KCTD8: variants seen among roughly 807,000 people sequenced by gnomAD.
The protein encoded by KCTD8 is potassium channel tetramerization domain containing 8.
In KCTD8, 27 loss-of-function variants were observed where a neutral mutation model predicts 31.5. That is an observed-to-expected ratio of 0.86 (90% confidence interval 0.63 to 1.18). The LOEUF is 1.18. KCTD8 is among the 50% of genes most tolerant of loss of function. KCTD8 has a pLI of 0.00. For missense variants in KCTD8, 658 were observed against 647.7 expected, an observed-to-expected ratio of 1.02 and a Z score of -0.17; for synonymous variants, 290 against 280.0, an observed-to-expected ratio of 1.04 and a Z score of -0.36.
intron 1 of KCTD8, among the ~76,000 whole-genome samples, chr4:44,245,589 T>C (rs1715640797): frequency 6.6e-6 from 1 of 152,020 alleles, no homozygotes; most frequent in Non-Finnish European, 1.5e-5. Flanking sequence ...AGAAAGATAA[T>C]ATTTTTTAAT....
At chr4:44,216,945 C>T (rs560383294) in intron 1 of KCTD8, among the ~76,000 whole-genome samples, 8 of 152,076 alleles carry the variant, frequency 5.3e-5, no homozygotes, top group Admixed American at 1.3e-4. Flanking sequence ...GATAAAGTGA[C>T]CTTCCCACTA....
intron 1 of KCTD8, among the ~76,000 whole-genome samples, chr4:44,284,012 T>C (rs944904028): frequency 6.6e-6 from 1 of 152,160 alleles, no homozygotes; most frequent in Non-Finnish European, 1.5e-5. Context: ...TCCATGCTCA[T>C]GGATAGAAAG....
chr4:44,308,480 A>G (rs1449565896), intron 1 of KCTD8, among the ~76,000 whole-genome samples: 1 of 152,080 alleles, frequency 6.6e-6, no homozygotes. Flanking sequence ...GAAAGCAGCA[A>G]GTAAGAAAAA....
chr4:44,266,049 C>A (rs1197359689), intron 1 of KCTD8, among the ~76,000 whole-genome samples: 3 of 151,888 alleles, frequency 2.0e-5, no homozygotes, highest in Non-Finnish European at 4.4e-5. Flanking sequence ...AGAACGCCAC[C>A]AAGATACTCC....
intron 1 of KCTD8, among the ~76,000 whole-genome samples, chr4:44,188,707 G>A (rs1021248654): frequency 2.6e-5 from 4 of 152,218 alleles, no homozygotes. Context: ...GAGGGAGGTA[G>A]TGAGAGATCT....
At chr4:44,208,633 T>C (rs1714388341) in intron 1 of KCTD8, among the ~76,000 whole-genome samples, 2 of 152,006 alleles carry the variant, frequency 1.3e-5, no homozygotes, top group Admixed American at 1.3e-4. Context: ...TGTCCAGGAG[T>C]TGGAATAATT....
At position 44,174,982 on chromosome 4, in the gene KCTD8, A is replaced by G. The variant is rs1255123792; in HGVS notation, c.1230T>C (p.Ser410=). The change falls in exon 2 of 2, where the codon AGT becomes AGC. Residue 410 remains serine, a synonymous_variant. Transcript: ENST00000360029. ...TGCTGATGAGGGTCTGAAAGAGTTC[A>G]CTGTTTCTGCGTTTGTCTGGTGGGG... The part of the protein sequence containing the change: ...WIPPPDKRRN[S]ELFQTLISKS... 2 of 1,614,030 alleles carry G rather than the reference A, an allele frequency of 1.2e-6. No individual in the cohort carries two copies. The highest frequency in any genetic ancestry group is 1.7e-5 in the Admixed American group (1 of 60,014).
intron 1 of KCTD8, among the ~76,000 whole-genome samples, chr4:44,330,943 T>C (rs1049722063): frequency 2.6e-5 from 4 of 151,772 alleles, no homozygotes; most frequent in Non-Finnish European, 5.9e-5. Context: ...GCATACCACA[T>C]TGTGACACTT....
intron 1 of KCTD8, among the ~76,000 whole-genome samples, chr4:44,411,309 T>G (rs979159816): frequency 1.4e-5 from 2 of 144,690 alleles, no homozygotes; most frequent in African/African-American, 5.2e-5. Context: ...TCCCAAGAGG[T>G]CGAGGCTGCA....
intron 1 of KCTD8, among the ~76,000 whole-genome samples, chr4:44,419,295 T>C (rs1405813224): frequency 6.6e-6 from 1 of 152,146 alleles, no homozygotes; most frequent in Non-Finnish European, 1.5e-5. Flanking sequence ...ATAGAGCAAC[T>C]GAGGTCCCAA....
At chr4:44,441,671 C>A (rs1220186492) in intron 1 of KCTD8, among the ~76,000 whole-genome samples, 1 of 152,196 alleles carries the variant, frequency 6.6e-6, no homozygotes, top group East Asian at 1.9e-4. Flanking sequence ...CTCTATGAAC[C>A]AGGGATGTTA....
chr4:44,366,641 G>C (rs976290616), intron 1 of KCTD8, among the ~76,000 whole-genome samples: 1 of 150,986 alleles, frequency 6.6e-6, no homozygotes, highest in Non-Finnish European at 1.5e-5. Flanking sequence ...GTAGCCATGC[G>C]GATTAGCCTA....
At chr4:44,246,873 A>G (rs1029092206) in intron 1 of KCTD8, among the ~76,000 whole-genome samples, 3 of 151,968 alleles carry the variant, frequency 2.0e-5, no homozygotes, top group African/African-American at 7.2e-5. Context: ...CTTCTGCTCT[A>G]TGTTCTTCTC....
chr4:44,307,591 TTTTA>T (rs1326832852), intron 1 of KCTD8, among the ~76,000 whole-genome samples: 5 of 152,010 alleles, frequency 3.3e-5, no homozygotes, highest in Non-Finnish European at 7.4e-5. Context: ...AAATGTGAGC[TTTTA>T]TTTCTTTTTT....
chr4:44,320,181 A>C (rs1183030613), intron 1 of KCTD8, among the ~76,000 whole-genome samples: 1 of 145,040 alleles, frequency 6.9e-6, no homozygotes, highest in Admixed American at 7.3e-5. Context: ...AAAAAAAAAA[A>C]AAAAAAAAAA....
intron 1 of KCTD8, among the ~76,000 whole-genome samples, chr4:44,378,630 C>T (rs946777282): frequency 6.6e-6 from 1 of 152,074 alleles, no homozygotes; most frequent in Admixed American, 6.6e-5. Context: ...GTTATACCTA[C>T]ATCTCCTTAC....
chr4:44,274,690 T>C (rs1333850031), intron 1 of KCTD8, among the ~76,000 whole-genome samples: 1 of 151,922 alleles, frequency 6.6e-6, no homozygotes, highest in African/African-American at 2.4e-5. Flanking sequence ...TCATTCATAA[T>C]GAGAGTTTAA....
rs372484349 is a variant in KCTD8, at chr4:44,264,308, T to C, written c.962-89058A>G. Among the ~76,000 whole-genome samples the C allele has an allele frequency of 6.6e-5, 10 of 152,238 alleles. No homozygotes were observed. In the East Asian group the frequency reaches 9.6e-4, roughly 15 times the overall value. On this transcript the variant is annotated intron_variant, in intron 1 of 1. Coordinates refer to ENST00000360029, the MANE Select transcript of KCTD8 (RefSeq NM_198353.3). ...CCCTAATATTTGGGTCAGAATTTAG[T>C]ACTTTTTTATGACTTAACCATTATA...
At chr4:44,362,032 G>T (rs750679026) in intron 1 of KCTD8, among the ~76,000 whole-genome samples, 6 of 152,078 alleles carry the variant, frequency 3.9e-5, no homozygotes, top group Non-Finnish European at 5.9e-5. Flanking sequence ...CTGTTAGTTG[G>T]CTTTAATGGA....
Sources: gnomAD v4.1 joint callset for allele counts (sites outside exome capture counted in the v4.1 genomes callset) on GRCh38, gnomAD v4.1.1 for gene constraint, MANE v1.5 for transcripts, NCBI Gene and HGNC (gene_info 2026-07-23, HGNC 2026-07-21) for gene names.